HHAT: variants seen among roughly 807,000 people sequenced by gnomAD.
HHAT encodes protein-cysteine N-palmitoyltransferase HHAT.
A neutral mutation model predicts 70.8 loss-of-function variants in HHAT; 47 were observed. The ratio of observed to expected loss-of-function variants is 0.66; its 90% CI spans 0.53 to 0.85. HHAT has a LOEUF of 0.85. Ranked by LOEUF, HHAT falls within the 40% of genes least tolerant of loss-of-function variation. The pLI, the probability that HHAT is intolerant of heterozygous loss-of-function variation, is 0.00. For missense variants in HHAT, 609 were observed against 604.8 expected (o/e 1.01, Z -0.07); for synonymous variants, 228 against 247.6 (o/e 0.92, Z 0.74).
At chr1:210,389,774 G>A (rs1376141565) in intron 4 of HHAT, among the ~76,000 whole-genome samples, 1 of 152,158 alleles carries the variant, frequency 6.6e-6, no homozygotes, top group East Asian at 1.9e-4. Context: ...ATAGCAGTGT[G>A]TAAACAGACT....
chr1:210,411,531 A>T (rs2092554124), intron 6 of HHAT, among the ~76,000 whole-genome samples: 1 of 152,068 alleles, frequency 6.6e-6, no homozygotes, highest in Non-Finnish European at 1.5e-5. Context: ...AGGTAGGAGG[A>T]TCACTTGAGA....
chr1:210,493,491 G>A (rs77013001), intron 8 of HHAT, among the ~76,000 whole-genome samples: 28,028 of 151,948 alleles, frequency 0.18, 2,674 homozygotes, highest in African/African-American at 0.21. Flanking sequence ...CTTTATTCCA[G>A]GTCTACTGAT....
At chr1:210,594,919 T>G (rs949869923) in intron 10 of HHAT, among the ~76,000 whole-genome samples, 3 of 152,164 alleles carry the variant, frequency 2.0e-5, no homozygotes, top group African/African-American at 7.2e-5. Context: ...GTGTTGGAGC[T>G]GCAATGTATG....
intron 10 of HHAT, among the ~76,000 whole-genome samples, chr1:210,597,664 G>A (rs1164212353): frequency 6.6e-6 from 1 of 151,982 alleles, no homozygotes; most frequent in African/African-American, 2.4e-5. Flanking sequence ...TTCATTCAGG[G>A]TCCAAGGGCT....
At chr1:210,644,902 C>T (rs913004260) in intron 11 of HHAT, among the ~76,000 whole-genome samples, 5 of 152,120 alleles carry the variant, frequency 3.3e-5, no homozygotes, top group South Asian at 2.1e-4. Flanking sequence ...CAGCCTTTGC[C>T]GCTGGTAAGG....
intron 8 of HHAT, among the ~76,000 whole-genome samples, chr1:210,471,984 C>T (rs995557815): frequency 6.6e-6 from 1 of 152,102 alleles, no homozygotes; most frequent in African/African-American, 2.4e-5. Context: ...TACAGATAAT[C>T]CGGGGAAATG....
At chr1:210,365,953 G>A (rs938143818) in intron 3 of HHAT, among the ~76,000 whole-genome samples, 1 of 150,026 alleles carries the variant, frequency 6.7e-6, no homozygotes, top group Non-Finnish European at 1.5e-5. Context: ...TTGAAGAGAT[G>A]TGATCCTGCT....
At chr1:210,352,467 C>A (rs1434909061) in intron 2 of HHAT, among the ~76,000 whole-genome samples, 1 of 152,244 alleles carries the variant, frequency 6.6e-6, no homozygotes, top group African/African-American at 2.4e-5. Flanking sequence ...CTGGAAAAAT[C>A]GTCTTTACTC....
At chr1:210,419,663 G>A (rs1381615732) in intron 7 of HHAT, among the ~76,000 whole-genome samples, 11 of 152,166 alleles carry the variant, frequency 7.2e-5, no homozygotes, top group Non-Finnish European at 1.2e-4. Context: ...GGTATCACAC[G>A]TACTTAATCA....
intron 8 of HHAT, among the ~76,000 whole-genome samples, chr1:210,474,083 T>C (rs926575): frequency 0.29 from 43,649 of 152,052 alleles, 6,368 homozygotes; most frequent in East Asian, 0.42. Flanking sequence ...CTAAAATTTA[T>C]TTTTACGTAG....
At chr1:210,564,464 G>A (rs1448546748) in intron 9 of HHAT, among the ~76,000 whole-genome samples, 1 of 152,226 alleles carries the variant, frequency 6.6e-6, no homozygotes, top group African/African-American at 2.4e-5. Context: ...AACAAGGAAA[G>A]TCATGTGGAA....
chr1:210,418,423 C>T, intron 7 of HHAT, 98 bp downstream of exon 7: 1 of 1,090,688 alleles, frequency 9.2e-7, no homozygotes. Flanking sequence ...GGTGCAGGTG[C>T]CTATAGCAAA....
chr1:210,572,978 G>A (rs1164590212), intron 9 of HHAT, among the ~76,000 whole-genome samples: 2 of 152,204 alleles, frequency 1.3e-5, no homozygotes, highest in African/African-American at 2.4e-5. Flanking sequence ...TGGCAGCAGA[G>A]GGGTAGGGAA....
intron 7 of HHAT, among the ~76,000 whole-genome samples, chr1:210,424,441 T>C (rs2092998493): frequency 6.6e-6 from 1 of 151,508 alleles, no homozygotes; most frequent in African/African-American, 2.4e-5. Context: ...TTTTTCTTTT[T>C]TTTTAACTCT....
intron 10 of HHAT, among the ~76,000 whole-genome samples, chr1:210,598,024 G>A (rs942084009): frequency 6.6e-6 from 1 of 151,718 alleles, no homozygotes; most frequent in Non-Finnish European, 1.5e-5. Context: ...AGGGCCTAAG[G>A]GCTCTTTTGT....
intron 11 of HHAT, among the ~76,000 whole-genome samples, chr1:210,643,191 A>G (rs1673311977): frequency 6.6e-6 from 1 of 152,204 alleles, no homozygotes; most frequent in Admixed American, 6.5e-5. Flanking sequence ...ATACTGCACT[A>G]TCTTAAATCT....
At chr1:210,658,647 C>T (rs1418966445) in intron 11 of HHAT, among the ~76,000 whole-genome samples, 1 of 152,180 alleles carries the variant, frequency 6.6e-6, no homozygotes, top group African/African-American at 2.4e-5. Flanking sequence ...CTTCTCAGCA[C>T]CACACTGCAA....
chr1:210,659,721 C>A (rs12129019), intron 11 of HHAT, among the ~76,000 whole-genome samples: 4 of 152,034 alleles, frequency 2.6e-5, no homozygotes, highest in African/African-American at 9.7e-5. Context: ...TTCTCCACCA[C>A]GATCAAGTCA....
intron 9 of HHAT, among the ~76,000 whole-genome samples, chr1:210,542,998 G>C (rs1403200230): frequency 6.6e-6 from 1 of 152,154 alleles, no homozygotes; most frequent in Non-Finnish European, 1.5e-5. Context: ...GCTGTTCACA[G>C]ACAGGCATCA....
Sources: allele counts gnomAD v4.1 joint callset (sites outside exome capture counted in the v4.1 genomes callset), GRCh38; gene constraint gnomAD v4.1.1; transcripts MANE v1.5; gene names NCBI Gene and HGNC (gene_info 2026-07-23, HGNC 2026-07-21).